CUX1: variants seen among roughly 807,000 people sequenced by gnomAD.
The protein encoded by CUX1 is cut like homeobox 1.
In CUX1, 31 loss-of-function variants were observed where a neutral mutation model predicts 158.8. The ratio of observed to expected loss-of-function variants is 0.20; its 90% confidence interval spans 0.15 to 0.26. CUX1 has a LOEUF of 0.26. CUX1 is among the 10% of genes least tolerant of loss of function. The probability of loss-of-function intolerance (pLI) is 1.00; values close to 1 mark genes in which losing one functional copy is unlikely to be tolerated. For synonymous variants in CUX1, 879 were observed against 862.1 expected, an observed-to-expected ratio of 1.02 and a Z score of -0.34; for missense variants, 1,589 against 2,014.6, an observed-to-expected ratio of 0.79 and a Z score of 4.04.
intron 15 of CUX1, chr7:102,274,184 A>G: frequency 2.0e-6 from 3 of 1,525,668 alleles, no homozygotes; most frequent in Non-Finnish European, 2.7e-6. Context: ...CCATGCTGAA[A>G]GGGAATATTC....
rs535367681 is a variant in CUX1 at position 101,817,781 on chromosome 7, C to T, written c.30+112C>T. On this transcript the variant is annotated intron_variant, in intron 1 of 23. Transcript: ENST00000292535. This position sits in a 1 kb window ranked among gnomAD's most constrained non-coding sequence, Gnocchi z 4.1. Reference sequence around the variant, plus strand: ...GAATGCTCTAGGGCGGCCTGGTGCTCTGGGAGGGGATAGGAGGGTTCCTCA... The same window carrying T: ...GAATGCTCTAGGGCGGCCTGGTGCTTTGGGAGGGGATAGGAGGGTTCCTCA... 4 of 1,334,184 alleles carry T rather than the reference C, an allele frequency of 3.0e-6. No individual in the cohort carries two copies. Among genetic ancestry groups the T allele is most frequent in the Non-Finnish European group, 4.1e-6 (4 of 981,100 alleles). 82.6% of individuals were successfully genotyped at this position (1,334,184 alleles called of 1,614,324 possible). A position where few individuals can be genotyped will look rare whatever the true frequency, so the allele number is the denominator to read the frequency against.
chr7:102,222,211 G>A (rs1044856505), intron 20 of CUX1, among the ~76,000 whole-genome samples: 5 of 152,092 alleles, frequency 3.3e-5, no homozygotes, highest in Non-Finnish European at 7.4e-5. Context: ...CCAGGAGGTC[G>A]AGACTGCAGT....
chr7:101,855,842 C>T (rs1336208637), intron 1 of CUX1, among the ~76,000 whole-genome samples: 1 of 143,880 alleles, frequency 7.0e-6, no homozygotes, highest in African/African-American at 2.6e-5. Flanking sequence ...TGTGCCATTG[C>T]ACTCCAGCCT....
intron 3 of CUX1, among the ~76,000 whole-genome samples, chr7:102,047,346 G>C (rs985907947): frequency 2.0e-5 from 3 of 152,060 alleles, no homozygotes; most frequent in African/African-American, 7.2e-5. Context: ...TGCATGGAGG[G>C]AGGGTGAATA....
At chr7:102,061,661 G>A (rs1244797797) in intron 3 of CUX1, among the ~76,000 whole-genome samples, 3 of 152,234 alleles carry the variant, frequency 2.0e-5, no homozygotes, top group Non-Finnish European at 4.4e-5. Context: ...GCTGTGTGTG[G>A]CGTGGACTTG....
intron 2 of CUX1, among the ~76,000 whole-genome samples, chr7:102,017,927 G>T (rs1451836933): frequency 1.3e-5 from 2 of 152,168 alleles, no homozygotes; most frequent in African/African-American, 4.8e-5. Flanking sequence ...GTAAATCACA[G>T]ATGTATTTTC....
intron 3 of CUX1, among the ~76,000 whole-genome samples, chr7:102,040,966 A>C (rs1821999448): frequency 6.6e-6 from 1 of 152,176 alleles, no homozygotes; most frequent in South Asian, 2.1e-4. Context: ...CGAAAAGGAC[A>C]TTCTCCAGCA....
intron 2 of CUX1, among the ~76,000 whole-genome samples, chr7:102,020,251 G>T (rs1819186820): frequency 6.6e-6 from 1 of 152,178 alleles, no homozygotes; most frequent in African/African-American, 2.4e-5. Context: ...AGGAATATGT[G>T]TTCATCTATA....
At position 102,253,938 on chromosome 7, in the gene CUX1, C is replaced by G. The variant is rs1425355085; in HGVS notation, c.*4896C>G. 1.2e-5 allele frequency: 12 copies of G among 985,552 alleles called. No individual in the cohort carries two copies. The East Asian group carries it at 1.1e-3, about 93-fold the overall frequency. The allele number at this position is 985,552 out of a possible 1,614,324, so 61.1% of individuals were successfully genotyped here. On this transcript the variant is annotated 3_prime_UTR_variant, in exon 24 of 24. Coordinates refer to ENST00000292535, the MANE Select transcript of CUX1 (RefSeq NM_181552.4). The stretch of plus-strand genomic sequence containing the variant: ...ACTCCTCATTGTCCCTTCTACCTCA[C>G]TAACCTGTCTTCTCCATCTGATGTC...
intron 4 of CUX1, among the ~76,000 whole-genome samples, chr7:102,077,209 C>T (rs1826852051): frequency 6.6e-6 from 1 of 151,720 alleles, no homozygotes; most frequent in Non-Finnish European, 1.5e-5. Context: ...GAGAAGAAGC[C>T]ACAGGAAGCA....
intron 20 of CUX1, among the ~76,000 whole-genome samples, chr7:102,218,841 C>A (rs993804154): frequency 1.4e-4 from 21 of 151,854 alleles, no homozygotes; most frequent in Non-Finnish European, 3.1e-4. Context: ...TCACTAGAGT[C>A]CAGGAGTTCA....
Position 101,916,640 on chromosome 7 carries a change from C to T in CUX1, c.141+415C>T, listed in dbSNP as rs1804242115. The stretch of plus-strand genomic sequence containing the variant: ...CCTGCTTCCCTGTTGCTGGTGCAGG[C>T]GGAGTGTCTGAAGGCTGCACGCATC... On this transcript the variant is annotated intron_variant, in intron 2 of 23. Coordinates refer to ENST00000292535, the MANE Select transcript of CUX1 (RefSeq NM_181552.4). This position sits in a 1 kb window ranked among gnomAD's most constrained non-coding sequence, Gnocchi z 4.4. 2.0e-5 allele frequency: 4 copies of T among 203,718 alleles called. No individual in the cohort carries two copies. The highest frequency in any genetic ancestry group is 5.2e-5 in the Admixed American group (1 of 19,336). 12.6% of individuals were successfully genotyped at this position (203,718 alleles called of 1,614,324 possible).
At chr7:101,898,956 G>A (rs1203685966) in intron 1 of CUX1, among the ~76,000 whole-genome samples, 1 of 152,232 alleles carries the variant, frequency 6.6e-6, no homozygotes, top group African/African-American at 2.4e-5. Flanking sequence ...AGGCGTTGGT[G>A]CACATAGGTG....
chr7:102,017,128 A>G (rs1467378998), intron 2 of CUX1, among the ~76,000 whole-genome samples: 1 of 151,998 alleles, frequency 6.6e-6, no homozygotes, highest in Non-Finnish European at 1.5e-5. Flanking sequence ...ACACGGTGAA[A>G]CCTTGTCTCT....
intron 8 of CUX1, among the ~76,000 whole-genome samples, chr7:102,122,391 T>C (rs1832137002): frequency 6.6e-6 from 1 of 152,116 alleles, no homozygotes; most frequent in South Asian, 2.1e-4. Flanking sequence ...GATGGCCTTT[T>C]TTTTTTTTCT....
At chr7:102,088,727 G>A (rs771703359) in intron 4 of CUX1, among the ~76,000 whole-genome samples, 2 of 152,122 alleles carry the variant, frequency 1.3e-5, no homozygotes, top group African/African-American at 2.4e-5. Context: ...TGAGACAGGC[G>A]ATCTCCAGTA....
chr7:102,273,461 A>G, exon 15 of CUX1: 1 of 1,613,366 alleles, frequency 6.2e-7, no homozygotes. Context: ...GGACCTGAGC[A>G]TCATTCAGTC....
At chr7:101,926,889 A>G (rs1805656871) in intron 2 of CUX1, among the ~76,000 whole-genome samples, 1 of 152,056 alleles carries the variant, frequency 6.6e-6, no homozygotes, top group Non-Finnish European at 1.5e-5. Flanking sequence ...TTCTTTTACA[A>G]GTAGTCCTGA....
chr7:101,820,721 T>C (rs928671869), intron 1 of CUX1, among the ~76,000 whole-genome samples: 4 of 152,242 alleles, frequency 2.6e-5, no homozygotes, highest in Non-Finnish European at 5.9e-5. Flanking sequence ...AGACCCTTAA[T>C]CTTATTTTAA....
Sources: gnomAD v4.1 joint callset for allele counts (sites outside exome capture counted in the v4.1 genomes callset) on GRCh38, gnomAD v4.1.1 for gene constraint, Gnocchi (gnomAD v3.1) non-coding constraint, MANE v1.5 for transcripts, NCBI Gene and HGNC (gene_info 2026-07-23, HGNC 2026-07-21) for gene names.